ARL14EPL: variants seen among roughly 807,000 people sequenced by gnomAD.
The protein encoded by ARL14EPL is ARL14 effector protein-like.
A neutral mutation model predicts 15.9 loss-of-function variants in ARL14EPL; 17 were observed. The observed-to-expected ratio is 1.07, with a 90% confidence interval of 0.73 to 1.60. The LOEUF (loss-of-function observed/expected upper bound fraction) is 1.60, where lower values mean the gene tolerates loss of function less well. ARL14EPL is among the 40% of genes most tolerant of loss of function. The probability of loss-of-function intolerance (pLI) is 0.00; values close to 1 mark genes in which losing one functional copy is unlikely to be tolerated. For synonymous variants in ARL14EPL, 78 were observed against 63.8 expected (o/e 1.22, Z -1.06); for missense variants, 214 against 185.9 (o/e 1.15, Z -0.88).
chr5:116,041,660 G>C (rs1270914043), intron 1 of ARL14EPL, among the ~76,000 whole-genome samples: 1 of 151,994 alleles, frequency 6.6e-6, no homozygotes, highest in African/African-American at 2.4e-5. Context: ...GACAACCCCT[G>C]ACACCCCCAC....
rs528823321 is a variant in ARL14EPL at position 116,045,159 on chromosome 5, C to T, written c.-9-6298C>T. 1.2e-4 allele frequency among the ~76,000 whole-genome samples: 19 copies of T among 152,168 alleles called. 1 individual carries two copies. The South Asian group carries it at 3.1e-3, about 25-fold the overall frequency. On this transcript the variant is annotated intron_variant, in intron 1 of 3. Transcript: ENST00000686077. ...GATTCTGAATATATATTGCTATATTCGTGTGTTATGCTTAAGAGTGAAAGA... is the reference window on the plus strand; with the variant it reads ...GATTCTGAATATATATTGCTATATTTGTGTGTTATGCTTAAGAGTGAAAGA...
chr5:116,056,099 A>C (rs1749510048), intron 3 of ARL14EPL, among the ~76,000 whole-genome samples: 1 of 152,050 alleles, frequency 6.6e-6, no homozygotes, highest in Non-Finnish European at 1.5e-5. Flanking sequence ...GTAGTGCCGC[A>C]ATAAACATAC....
In ARL14EPL at chr5:116,054,162, C is replaced by T. The variant is rs1221261748; in HGVS notation, c.236+9C>T. 5 of 1,533,488 alleles carry T rather than the reference C, an allele frequency of 3.3e-6. No individual in the cohort carries two copies. The Admixed American group carries it at 7.9e-5, about 24-fold the overall frequency. The allele number at this position is 1,533,488 out of a possible 1,614,324, so 95.0% of individuals were successfully genotyped here. On this transcript the variant is annotated intron_variant, in intron 3 of 3. Coordinates refer to ENST00000686077, the MANE Select transcript of ARL14EPL (RefSeq NM_001195581.2). Reference sequence around the variant, plus strand: ...TTTTCTACCAAATACAAGTAAGATTCTGACTTATTGTATTTGATCTGTGGG... The same window carrying T: ...TTTTCTACCAAATACAAGTAAGATTTTGACTTATTGTATTTGATCTGTGGG...
intron 1 of ARL14EPL, among the ~76,000 whole-genome samples, chr5:116,036,030 G>C (rs1393542938): frequency 6.6e-6 from 1 of 152,230 alleles, no homozygotes; most frequent in Admixed American, 6.5e-5. Context: ...AAGCCAAAAT[G>C]TGGTTTACAT....
rs1749597833 is a variant in ARL14EPL at position 116,059,467 on chromosome 5, C to T, written c.*520C>T. On this transcript the variant is annotated 3_prime_UTR_variant, in exon 4 of 4. Coordinates refer to ENST00000686077, the MANE Select transcript of ARL14EPL (RefSeq NM_001195581.2). ...TTTTTTATTGTTCATGTTTTAATAA[C>T]ATTAAAATGAAATTTAGTAATACTT... 2 of 152,190 alleles carry T rather than the reference C, an allele frequency of 1.3e-5. No individual in the cohort carries two copies. Among genetic ancestry groups the T allele is most frequent in the African/African-American group, 2.4e-5 (1 of 41,384 alleles). The allele number at this position is 152,190 out of a possible 1,614,324, so 9.4% of individuals were successfully genotyped here. A position where few individuals can be genotyped will look rare whatever the true frequency, so the allele number is the denominator to read the frequency against.
At chr5:116,057,769 C>T (rs1163059399) in intron 3 of ARL14EPL, among the ~76,000 whole-genome samples, 1 of 152,130 alleles carries the variant, frequency 6.6e-6, no homozygotes, top group Admixed American at 6.5e-5. Flanking sequence ...TATTACTTAG[C>T]GAACAGAAGG....
At chr5:116,046,640 C>T (rs761377843) in intron 1 of ARL14EPL, among the ~76,000 whole-genome samples, 7 of 152,238 alleles carry the variant, frequency 4.6e-5, no homozygotes, top group African/African-American at 7.2e-5. Flanking sequence ...CATCATGGCT[C>T]CTATGTATAA....
At chr5:116,041,391 A>G (rs1749155572) in intron 1 of ARL14EPL, among the ~76,000 whole-genome samples, 3 of 152,314 alleles carry the variant, frequency 2.0e-5, no homozygotes, top group African/African-American at 7.2e-5. Context: ...TTTGGGGGAA[A>G]ACACTGAAGT....
chr5:116,056,726 C>T (rs1434683457), intron 3 of ARL14EPL, among the ~76,000 whole-genome samples: 1 of 152,168 alleles, frequency 6.6e-6, no homozygotes. Flanking sequence ...CTTGCCCATG[C>T]CTATATCCTG....
At chr5:116,054,260 A>G in intron 3 of ARL14EPL, 107 bp downstream of exon 3, 1 of 1,214,134 alleles carries the variant, frequency 8.2e-7, no homozygotes, top group East Asian at 2.6e-5. Context: ...TTATTTAAAA[A>G]TATCTCCTCT....
intron 1 of ARL14EPL, 153 bp from the exon 2 acceptor site, chr5:116,051,304 A>T: frequency 1.7e-6 from 1 of 584,956 alleles, no homozygotes; most frequent in Non-Finnish European, 2.9e-6. Context: ...GGCAAGGTTT[A>T]ACAGTGAGTG....
chr5:116,049,986 C>G (rs2560705), intron 1 of ARL14EPL, among the ~76,000 whole-genome samples: 119,410 of 152,134 alleles, frequency 0.78, 47,078 homozygotes, highest in Middle Eastern at 0.86. Flanking sequence ...CACCACTGAG[C>G]CTTTAATGTG....
At chr5:116,058,696 C>A in intron 3 of ARL14EPL, 29 bp from the exon 4 acceptor site, 2 of 1,524,170 alleles carry the variant, frequency 1.3e-6, no homozygotes, top group South Asian at 2.4e-5. Context: ...ATTGCACTGT[C>A]ATCTTAATGT....
chr5:116,050,182 G>T (rs1019985165), intron 1 of ARL14EPL, among the ~76,000 whole-genome samples: 3 of 152,120 alleles, frequency 2.0e-5, no homozygotes, highest in African/African-American at 7.2e-5. Context: ...ACATATGCAG[G>T]TTTGTTACAG....
In ARL14EPL at chr5:116,059,120, A is replaced by T. The variant is rs1749590209; in HGVS notation, c.*173A>T. ...GGGCAATAATTCTGTAACCTTCTTA[A>T]CTGTGTCAACAATTTTCAAGTCCCT... On this transcript the variant is annotated 3_prime_UTR_variant, in exon 4 of 4. Transcript: ENST00000686077. The T allele has an allele frequency of 3.1e-6, 2 of 643,680 alleles. No homozygotes were observed. Among genetic ancestry groups the T allele is most frequent in the Non-Finnish European group, 5.3e-6 (2 of 380,868 alleles). The allele number at this position is 643,680 out of a possible 1,614,324, so 39.9% of individuals were successfully genotyped here.
chr5:116,052,637 T>C (rs1288650771), intron 2 of ARL14EPL, among the ~76,000 whole-genome samples: 1 of 152,208 alleles, frequency 6.6e-6, no homozygotes, highest in African/African-American at 2.4e-5. Flanking sequence ...TATGTATATG[T>C]CATAACCATA....
In ARL14EPL at chr5:116,038,052, G is replaced by T. The variant is rs1749080222; in HGVS notation, c.-10+5547G>T. ...ATTATGCTCCAATTTAACAGGGCAA[G>T]GTAGGAGGAGAGGTAGGGATGGCGG... On this transcript the variant is annotated intron_variant, in intron 1 of 3. Transcript: ENST00000686077. Among the ~76,000 whole-genome samples the T allele has an allele frequency of 2.0e-5, 3 of 152,274 alleles. No homozygotes were observed. In the South Asian group the frequency reaches 6.2e-4, roughly 32 times the overall value.
intron 1 of ARL14EPL, among the ~76,000 whole-genome samples, chr5:116,046,001 G>A (rs1415465182): frequency 1.3e-5 from 2 of 152,210 alleles, no homozygotes; most frequent in East Asian, 3.9e-4. Flanking sequence ...GGGCAGCAAG[G>A]GAATGACTTA....
chr5:116,056,419 G>A (rs995327732), intron 3 of ARL14EPL, among the ~76,000 whole-genome samples: 6 of 152,182 alleles, frequency 3.9e-5, no homozygotes, highest in African/African-American at 1.2e-4. Flanking sequence ...CATTTTTCAT[G>A]TGTCTATTGG....
Sources: gnomAD v4.1 joint callset for allele counts (sites outside exome capture counted in the v4.1 genomes callset) on GRCh38, gnomAD v4.1.1 for gene constraint, MANE v1.5 for transcripts, NCBI Gene and HGNC (gene_info 2026-07-23, HGNC 2026-07-21) for gene names.